Variants in KIF1B observed in about 807,000 individuals in gnomAD.
KIF1B encodes the protein kinesin family member 1B.
A neutral mutation model predicts 241.9 loss-of-function variants in KIF1B; 76 were observed. The observed-to-expected ratio is 0.31, with a 90% CI of 0.26 to 0.38. The LOEUF (loss-of-function observed/expected upper bound fraction) is 0.38, where lower values mean the gene tolerates loss of function less well. Ranked by LOEUF, KIF1B falls within the 10% of genes least tolerant of loss-of-function variation. KIF1B has a pLI of 1.00. For missense variants in KIF1B, 1,622 were observed against 2,271.4 expected (o/e 0.71, Z 5.81); for synonymous variants, 750 against 796.7 (o/e 0.94, Z 0.99).
In KIF1B at chr1:10,288,226, T is replaced by C. The variant is rs146521456; in HGVS notation, c.1435-2856T>C. ...AGGCTGGAGTGTAGTGGTGCAGTCATAGCTCACTTATGCAGAAGCGTTTAA... is the reference window on the plus strand; with the variant it reads ...AGGCTGGAGTGTAGTGGTGCAGTCACAGCTCACTTATGCAGAAGCGTTTAA... On this transcript the variant is annotated intron_variant, in intron 15 of 48. Coordinates refer to ENST00000676179, the MANE Select transcript of KIF1B (RefSeq NM_001365951.3). Among the ~76,000 whole-genome samples the C allele has an allele frequency of 6.0e-4, 91 of 152,346 alleles. No homozygotes were observed. The Middle Eastern group carries it at 0.01, about 17-fold the overall frequency.
In KIF1B at chr1:10,375,288, C is replaced by G; in HGVS notation, c.5323C>G (p.Arg1775Gly). The G allele has an allele frequency of 6.2e-7, 1 of 1,613,070 alleles. No individual in the cohort carries two copies. The highest frequency in any genetic ancestry group is 8.5e-7 in the Non-Finnish European group (1 of 1,179,560). Residue 1775 changes from arginine to glycine, a missense_variant, in exon 48 of 49, where the codon CGT (arginine) becomes GGT (glycine). Coordinates refer to ENST00000676179, the MANE Select transcript of KIF1B (RefSeq NM_001365951.3). Reference sequence around the variant, plus strand: ...CACCTTTGCTGTCTGCACAAAGCACCGTGGGGTCCTTTTGCAGGCCCTCAA... The same window carrying G: ...CACCTTTGCTGTCTGCACAAAGCACGGTGGGGTCCTTTTGCAGGCCCTCAA... ...PNTFAVCTKH[R>G]GVLLQALNDK...
chr1:10,355,984 A>C (rs1432293430), intron 38 of KIF1B, among the ~76,000 whole-genome samples: 2 of 152,168 alleles, frequency 1.3e-5, no homozygotes, highest in African/African-American at 4.8e-5. Context: ...TTTGGTATTA[A>C]AGGAAGTTTT....
chr1:10,297,295 C>A, intron 22 of KIF1B, 49 bp downstream of exon 22: 1 of 1,513,572 alleles, frequency 6.6e-7, no homozygotes, highest in Non-Finnish European at 9.2e-7. Context: ...CAGCTTGTTC[C>A]CATACTTTCC....
chr1:10,339,396 C>G, intron 31 of KIF1B, among the ~76,000 whole-genome samples: 1 of 152,176 alleles, frequency 6.6e-6, no homozygotes, highest in East Asian at 1.9e-4. Flanking sequence ...GGCTCTCGCA[C>G]TAACTGTGGA....
rs184143067 is a variant in KIF1B at position 10,341,067 on chromosome 1, G to A, written c.3514-983G>A. Among the ~76,000 whole-genome samples, 54 of 152,362 alleles carry A rather than the reference G, an allele frequency of 3.5e-4. No individual in the cohort carries two copies. In the East Asian group the frequency reaches 8.1e-3, roughly 23 times the overall value. On this transcript the variant is annotated intron_variant, in intron 32 of 48. Transcript: ENST00000676179. ...ACTTTGATCAGCTGCTGTGCACAAG[G>A]ATTGTGCCTGACAACTGGGGAATGC...
Position 10,357,456 on chromosome 1 carries a change from G to A in KIF1B, c.4056-3473G>A, listed in dbSNP as rs115962231. ...TTCTTACAACCACCTCTCAAGAATT[G>A]CCAGTGTAATGGCTCACACCTGTAA... On this transcript the variant is annotated intron_variant, in intron 38 of 48. Transcript: ENST00000676179. 6.6e-3 allele frequency among the ~76,000 whole-genome samples: 998 copies of A among 152,230 alleles called. 11 individuals are homozygous for A. Among genetic ancestry groups the A allele is most frequent in the Middle Eastern group, 0.037 (11 of 294 alleles).
At chr1:10,299,488 G>A (rs935665549) in intron 22 of KIF1B, among the ~76,000 whole-genome samples, 3 of 152,174 alleles carry the variant, frequency 2.0e-5, no homozygotes, top group African/African-American at 4.8e-5. Context: ...AATGGAAAAT[G>A]TCTTTATATA....
chr1:10,220,952 T>C (rs1242288509), intron 1 of KIF1B, among the ~76,000 whole-genome samples: 2 of 151,434 alleles, frequency 1.3e-5, no homozygotes, highest in Non-Finnish European at 2.9e-5. Flanking sequence ...CATGTGCCAC[T>C]GTGCCTAGCC....
chr1:10,289,636 C>T (rs1649887360), intron 15 of KIF1B, among the ~76,000 whole-genome samples: 1 of 152,138 alleles, frequency 6.6e-6, no homozygotes, highest in African/African-American at 2.4e-5. Context: ...GTAATCCCAG[C>T]ACTTTGGGAG....
At chr1:10,348,243 A>G (rs1652658719) in intron 36 of KIF1B, among the ~76,000 whole-genome samples, 1 of 152,158 alleles carries the variant, frequency 6.6e-6, no homozygotes, top group African/African-American at 2.4e-5. Context: ...TGGTAAATCA[A>G]AAGTAGGTTC....
At chr1:10,319,899 T>C in intron 22 of KIF1B, 144 bp from the exon 23 acceptor site, 1 of 640,758 alleles carries the variant, frequency 1.6e-6, no homozygotes. Context: ...TTTCCCTGTA[T>C]GTCTTTTTAT....
chr1:10,335,821 C>A (rs1652146872), intron 28 of KIF1B, among the ~76,000 whole-genome samples: 1 of 150,354 alleles, frequency 6.7e-6, no homozygotes, highest in Admixed American at 6.7e-5. Flanking sequence ...TAGTGAGACC[C>A]CATCTCTTAA....
rs1471761983 is a variant in KIF1B at position 10,304,326 on chromosome 1, A to G, written c.2115+7080A>G. On this transcript the variant is annotated intron_variant, in intron 22 of 48. Transcript: ENST00000676179. ...ATAATCAGCAACAGCCACCTCAACT[A>G]CGTTGGAGAAGCAATTCTCTCAATA... 8.7e-6 allele frequency: 14 copies of G among 1,614,064 alleles called. No homozygotes were observed. The highest frequency in any genetic ancestry group is 1.2e-5 in the Non-Finnish European group (14 of 1,180,032).
chr1:10,243,047 A>G (rs937158681), intron 2 of KIF1B, among the ~76,000 whole-genome samples: 1 of 152,214 alleles, frequency 6.6e-6, no homozygotes, highest in Non-Finnish European at 1.5e-5. Flanking sequence ...TTTCCACACC[A>G]CATTGTTCCG....
At chr1:10,215,170 A>ATTTTTT (rs1437007597) in intron 1 of KIF1B, among the ~76,000 whole-genome samples, 2 of 50,256 alleles carry the variant, frequency 4.0e-5, no homozygotes, top group African/African-American at 1.1e-4. Context: ...ATATATATAT[A>ATTTTTT]TATTTTTTTT....
chr1:10,374,580 T>C lies in KIF1B; in HGVS notation c.5096+115T>C. ...CTGTAGTCTGATGCAATCTGTACTG[T>C]AGTCTGATGCAAGTTGAGTCTGGGG... On this transcript the variant is annotated intron_variant, in intron 46 of 48. Transcript: ENST00000676179. This position sits in a 1 kb window ranked among gnomAD's most constrained non-coding sequence, Gnocchi z 4.3. 7.9e-7 allele frequency: 1 copy of C among 1,273,372 alleles called. No homozygotes were observed. Among genetic ancestry groups the C allele is most frequent in the African/African-American group, 1.5e-5 (1 of 68,046 alleles). 78.9% of individuals were successfully genotyped at this position (1,273,372 alleles called of 1,614,324 possible). A position where few individuals can be genotyped will look rare whatever the true frequency, so the allele number is the denominator to read the frequency against.
At chr1:10,220,527 A>C (rs1362305225) in intron 1 of KIF1B, among the ~76,000 whole-genome samples, 1 of 152,112 alleles carries the variant, frequency 6.6e-6, no homozygotes, top group Non-Finnish European at 1.5e-5. Context: ...AAAAATAAAC[A>C]GGGCAGTGAT....
intron 17 of KIF1B, among the ~76,000 whole-genome samples, chr1:10,293,317 G>A (rs1054465669): frequency 6.6e-6 from 1 of 151,304 alleles, no homozygotes; most frequent in African/African-American, 2.4e-5. Flanking sequence ...CAGTTTTGGT[G>A]GAATTTAATT....
rs760646785 is a variant in KIF1B, at chr1:10,334,575, G to T, written c.2980G>T (p.Ala994Ser). The T allele has an allele frequency of 3.7e-6, 6 of 1,613,952 alleles. No homozygotes were observed. Among genetic ancestry groups the T allele is most frequent in the Non-Finnish European group, 4.2e-6 (5 of 1,179,948 alleles). ...TCCCGTGCCCCTGATCCACAGGGTG[G>T]CCATCGTCAGTGAGAAAGGTGAAGT... ...LYPVPLIHRV[A>S]IVSEKGEVRG... Residue 994 changes from alanine to serine, a missense_variant, in exon 28 of 49, where the codon GCC becomes TCC. Physicochemically the swap from Ala to Ser is moderately conservative, Grantham distance 99. This residue lies in a region of KIF1B where 803 missense variants were observed against 1,112.0 expected (regional missense o/e 0.72). Transcript: ENST00000676179.
Sources: gnomAD v4.1 joint callset for allele counts (sites outside exome capture counted in the v4.1 genomes callset) on GRCh38, gnomAD v4.1.1 for gene constraint, gnomAD v4.1.1 regional missense constraint, Gnocchi (gnomAD v3.1) non-coding constraint, MANE v1.5 for transcripts, NCBI Gene and HGNC (gene_info 2026-07-23, HGNC 2026-07-21) for gene names.